The following HSD17B4 variants were observed in gnomAD, a reference collection of about 807,000 sequenced individuals.
HSD17B4 encodes the protein peroxisomal multifunctional enzyme type 2.
HSD17B4 carries 70 observed loss-of-function variants against 101.0 expected under a neutral mutation model. The ratio of observed to expected loss-of-function variants is 0.69; its 90% CI spans 0.57 to 0.85. The LOEUF (loss-of-function observed/expected upper bound fraction) is 0.85. Ranked by LOEUF, HSD17B4 falls within the 40% of genes least tolerant of loss-of-function variation. The probability of loss-of-function intolerance (pLI) is 0.00; values close to 1 mark genes in which losing one functional copy is unlikely to be tolerated. For synonymous variants in HSD17B4, 347 were observed against 297.1 expected (o/e 1.17, Z -1.73); for missense variants, 984 against 892.4 (o/e 1.10, Z -1.31).
intron 11 of HSD17B4, among the ~76,000 whole-genome samples, chr5:119,494,249 G>A (rs141556402): frequency 6.6e-6 from 1 of 152,090 alleles, no homozygotes; most frequent in Non-Finnish European, 1.5e-5. Context: ...CTGATGGTTG[G>A]TTTCAAAGTC....
In HSD17B4 at chr5:119,459,252, A is replaced by T. The variant is rs184740855; in HGVS notation, c.112+2884A>T. Among the ~76,000 whole-genome samples the T allele has an allele frequency of 1.6e-4, 25 of 152,330 alleles. No individual in the cohort carries two copies. In the East Asian group the frequency reaches 4.8e-3, roughly 29 times the overall value. On this transcript the variant is annotated intron_variant, in intron 2 of 23. Coordinates refer to ENST00000510025, the MANE Select transcript of HSD17B4 (RefSeq NM_000414.4). ...AATCCTGGCTCTGCTGCCTAATTAT[A>T]TGACCTCTCTGTTTATAGCTGTCTT...
At chr5:119,499,290 TA>T in intron 12 of HSD17B4, 26 bp from the exon 13 acceptor site, 1 of 1,488,662 alleles carries the variant, frequency 6.7e-7, no homozygotes, top group Non-Finnish European at 9.4e-7. Flanking sequence ...ATCAATGAAA[TA>T]AATTACTTTT....
chr5:119,531,847 A>G (rs1259673609), intron 22 of HSD17B4, among the ~76,000 whole-genome samples: 1 of 152,162 alleles, frequency 6.6e-6, no homozygotes, highest in Admixed American at 6.6e-5. Context: ...TTAATTATCA[A>G]TATAAAATCA....
At chr5:119,507,580 G>A (rs957575328) in intron 15 of HSD17B4, among the ~76,000 whole-genome samples, 3 of 151,804 alleles carry the variant, frequency 2.0e-5, no homozygotes, top group Non-Finnish European at 2.9e-5. Context: ...TCAGGAGATC[G>A]AGATCATCCT....
intron 12 of HSD17B4, among the ~76,000 whole-genome samples, chr5:119,498,995 C>T (rs1226826203): frequency 6.6e-6 from 1 of 152,146 alleles, no homozygotes; most frequent in Non-Finnish European, 1.5e-5. Flanking sequence ...AATTTACTAT[C>T]CTTAATAACA....
chr5:119,480,778 C>T (rs930697870), intron 8 of HSD17B4, among the ~76,000 whole-genome samples: 6 of 152,128 alleles, frequency 3.9e-5, no homozygotes, highest in Non-Finnish European at 8.8e-5. Flanking sequence ...CAGTCTCAAC[C>T]GTAAGAGACA....
chr5:119,515,721 TGCAGATATA>T (rs1752549427), intron 17 of HSD17B4, among the ~76,000 whole-genome samples: 1 of 152,198 alleles, frequency 6.6e-6, no homozygotes, highest in South Asian at 2.1e-4. Flanking sequence ...AGACTAACCA[TGCAGATATA>T]GCATAAAATC....
intron 17 of HSD17B4, 60 bp from the exon 18 acceptor site, chr5:119,525,156 T>C: frequency 8.7e-7 from 1 of 1,149,080 alleles, no homozygotes; most frequent in Non-Finnish European, 1.3e-6. Context: ...TTTCCTATTT[T>C]TCATTTAATG....
At chr5:119,521,394 G>T (rs1221993409) in intron 17 of HSD17B4, among the ~76,000 whole-genome samples, 1 of 152,046 alleles carries the variant, frequency 6.6e-6, no homozygotes, top group Non-Finnish European at 1.5e-5. Context: ...TATATACCTG[G>T]TGGGCCTTTT....
At chr5:119,510,155 T>C (rs1465514229) in intron 16 of HSD17B4, among the ~76,000 whole-genome samples, 1 of 152,208 alleles carries the variant, frequency 6.6e-6, no homozygotes, top group East Asian at 1.9e-4. Flanking sequence ...ATATTCTCTG[T>C]ACAACATATT....
intron 23 of HSD17B4, among the ~76,000 whole-genome samples, chr5:119,540,344 T>C (rs1754887090): frequency 6.9e-6 from 1 of 145,590 alleles, no homozygotes; most frequent in East Asian, 1.9e-4. Context: ...TGCATGGCAG[T>C]GCAGAGTTTG....
chr5:119,509,498 A>C (rs1250232800), intron 16 of HSD17B4: 1 of 609,922 alleles, frequency 1.6e-6, no homozygotes, highest in East Asian at 3.2e-5. Flanking sequence ...CTGAATAGTA[A>C]ATATTCTTTC....
chr5:119,479,538 G>A (rs1748919007), intron 8 of HSD17B4, among the ~76,000 whole-genome samples: 1 of 152,088 alleles, frequency 6.6e-6, no homozygotes, highest in African/African-American at 2.4e-5. Flanking sequence ...AAATGTATGG[G>A]TTTTCACAAA....
At chr5:119,491,773 T>G (rs1750130647) in intron 9 of HSD17B4, among the ~76,000 whole-genome samples, 1 of 152,200 alleles carries the variant, frequency 6.6e-6, no homozygotes, top group African/African-American at 2.4e-5. Context: ...CATTTTTATT[T>G]TACATTTGAG....
rs1754074650 is a variant in HSD17B4, at chr5:119,531,280, G to C, written c.1869G>C (p.Gln623His). The C allele has an allele frequency of 1.2e-6, 2 of 1,613,702 alleles. No homozygotes were observed. The highest frequency in any genetic ancestry group is 4.5e-5 in the East Asian group (2 of 44,866). The change falls in exon 22 of 24, where the codon CAG (glutamine) becomes CAC (histidine). Residue 623 changes from glutamine to histidine, a missense_variant. By Grantham distance (24) the Gln-to-His change is conservative. Coordinates refer to ENST00000510025, the MANE Select transcript of HSD17B4 (RefSeq NM_000414.4). The part of the protein sequence containing the change: ...AKTPSEGGKL[Q>H]STFVFEEIGR... ...GTCGTTGTTAGGGCGGGAAGCTTCA[G>C]AGTACCTTTGTATTTGAGGAAATAG...
At chr5:119,477,719 C>A in intron 7 of HSD17B4, 1 of 527,470 alleles carries the variant, frequency 1.9e-6, no homozygotes, top group Non-Finnish European at 3.5e-6. Context: ...TTTTTTACCT[C>A]TTTTTGTTAT....
intron 23 of HSD17B4, 27 bp from the exon 24 acceptor site, chr5:119,541,878 C>T (rs1755022498): frequency 2.2e-6 from 3 of 1,347,176 alleles, no homozygotes; most frequent in Non-Finnish European, 3.2e-6. Flanking sequence ...TAACAGTTGG[C>T]ACTCTTTTTC....
chr5:119,513,604 G>A (rs1399589300), intron 16 of HSD17B4, among the ~76,000 whole-genome samples: 1 of 152,128 alleles, frequency 6.6e-6, no homozygotes, highest in East Asian at 1.9e-4. Flanking sequence ...GGCTGGTCTC[G>A]AAATCCTGAC....
intron 2 of HSD17B4, among the ~76,000 whole-genome samples, chr5:119,466,274 G>T (rs909508740): frequency 6.6e-6 from 1 of 151,918 alleles, no homozygotes; most frequent in Non-Finnish European, 1.5e-5. Context: ...TTTTTTTGTT[G>T]TTTTGTCCTT....
Sources: allele counts gnomAD v4.1 joint callset (sites outside exome capture counted in the v4.1 genomes callset), GRCh38; gene constraint gnomAD v4.1.1; transcripts MANE v1.5; gene names NCBI Gene and HGNC (gene_info 2026-07-23, HGNC 2026-07-21).